SEPTIN9: variants seen among roughly 807,000 people sequenced by gnomAD.
The protein encoded by SEPTIN9 is septin-9.
SEPTIN9 carries 13 observed loss-of-function variants against 56.6 expected under a neutral mutation model. That is an observed-to-expected ratio of 0.23 (90% CI 0.15 to 0.37). The LOEUF (loss-of-function observed/expected upper bound fraction) is 0.37. SEPTIN9 is among the 10% of genes least tolerant of loss of function. SEPTIN9 has a pLI of 1.00. For synonymous variants in SEPTIN9, 332 were observed against 334.1 expected (o/e 0.99, Z 0.07); for missense variants, 650 against 823.1 (o/e 0.79, Z 2.57).
intron 2 of SEPTIN9, among the ~76,000 whole-genome samples, chr17:77,395,944 C>T (rs979234497): frequency 6.6e-5 from 10 of 152,328 alleles, no homozygotes; most frequent in Admixed American, 4.6e-4. Flanking sequence ...TGATTATTTC[C>T]TTGGGATAAA....
chr17:77,443,250 C>T (rs2037615686), intron 3 of SEPTIN9, among the ~76,000 whole-genome samples: 1 of 152,058 alleles, frequency 6.6e-6, no homozygotes. Context: ...AGCTCTGGGA[C>T]ACACTTGATG....
intron 3 of SEPTIN9, chr17:77,419,949 A>G (rs103458): frequency 0.33 from 50,298 of 152,168 alleles, 8,916 homozygotes; most frequent in Non-Finnish European, 0.4. Flanking sequence ...GGTGGGGGGC[A>G]TGGCTGGGGA....
At position 77,487,131 on chromosome 17, in the gene SEPTIN9, A is replaced by G. The variant is rs1454715331; in HGVS notation, c.914-293A>G. On this transcript the variant is annotated intron_variant, in intron 4 of 11. Transcript: ENST00000427177. This position sits in a 1 kb window ranked among gnomAD's most constrained non-coding sequence, Gnocchi z 4.3. Reference sequence around the variant, plus strand: ...GGAGACCTCCTGTCCAGAAAGCACAAGGGGCACAAGAGATGCCGACTCTCC... The same window carrying G: ...GGAGACCTCCTGTCCAGAAAGCACAGGGGGCACAAGAGATGCCGACTCTCC... 1.3e-5 allele frequency among the ~76,000 whole-genome samples: 2 copies of G among 152,198 alleles called. No individual in the cohort carries two copies. The highest frequency in any genetic ancestry group is 3.9e-4 in the East Asian group (2 of 5,192).
intron 2 of SEPTIN9, among the ~76,000 whole-genome samples, chr17:77,343,368 T>A (rs962106250): frequency 6.6e-6 from 1 of 152,220 alleles, no homozygotes; most frequent in Admixed American, 6.5e-5. Context: ...GGTTGTTGAA[T>A]ACCTGCAGGT....
chr17:77,492,857 G>A lies in SEPTIN9; in HGVS notation c.1477-123G>A. On this transcript the variant is annotated intron_variant, in intron 9 of 11. Transcript: ENST00000427177. This position sits in a 1 kb window ranked among gnomAD's most constrained non-coding sequence, Gnocchi z 5.4. The stretch of plus-strand genomic sequence containing the variant: ...CTGAGCCCAGGTGTCTGTACCCAGT[G>A]CTGTCAGGCTGAGGCTCTCGTTTTT... 1 of 1,190,462 alleles carries A rather than the reference G, an allele frequency of 8.4e-7. No homozygotes were observed. The highest frequency in any genetic ancestry group is 1.2e-6 in the Non-Finnish European group (1 of 804,946). 73.7% of individuals were successfully genotyped at this position (1,190,462 alleles called of 1,614,324 possible). A position where few individuals can be genotyped will look rare whatever the true frequency, so the allele number is the denominator to read the frequency against.
intron 10 of SEPTIN9, among the ~76,000 whole-genome samples, chr17:77,494,394 C>G (rs2143436435): frequency 6.6e-6 from 1 of 152,284 alleles, no homozygotes; most frequent in Non-Finnish European, 1.5e-5. Flanking sequence ...GGAAATGCAG[C>G]AGGAAAAGCC....
chr17:77,490,678 G>T, intron 7 of SEPTIN9, 64 bp from the exon 8 acceptor site: 2 of 1,260,130 alleles, frequency 1.6e-6, no homozygotes, highest in East Asian at 2.5e-5. Flanking sequence ...ACCTGCTTGG[G>T]GGTGGGTGCC....
Position 77,412,564 on chromosome 17 carries a change from G to A in SEPTIN9, c.721+9861G>A, listed in dbSNP as rs545854008. Among the ~76,000 whole-genome samples the A allele has an allele frequency of 3.9e-5, 6 of 152,110 alleles. No individual in the cohort carries two copies. The East Asian group carries it at 9.7e-4, about 25-fold the overall frequency. On this transcript the variant is annotated intron_variant, in intron 3 of 11. Transcript: ENST00000427177. ...CCAGCCTAGGCAACATGGCAAAACC[G>A]CATCTCTGCAAAAATTAGCTGGGTG...
At chr17:77,392,127 A>T (rs2035562308) in intron 2 of SEPTIN9, among the ~76,000 whole-genome samples, 1 of 152,176 alleles carries the variant, frequency 6.6e-6, no homozygotes, top group African/African-American at 2.4e-5. Flanking sequence ...CCGAAAATCC[A>T]ACCACAGGCT....
rs2036030736 is a variant in SEPTIN9 at position 77,405,354 on chromosome 17, C to T, written c.721+2651C>T. On this transcript the variant is annotated intron_variant, in intron 3 of 11. Transcript: ENST00000427177. The surrounding 1 kb of genome is among the most constrained non-coding windows in gnomAD (Gnocchi z 5.8). ...CCCAGCAGTGGAAGTACAATTTCATCAGGCCAGGAAGGGGAGAGAAAGGCA... is the reference window on the plus strand; with the variant it reads ...CCCAGCAGTGGAAGTACAATTTCATTAGGCCAGGAAGGGGAGAGAAAGGCA... Among the ~76,000 whole-genome samples, 1 of 152,140 alleles carries T rather than the reference C, an allele frequency of 6.6e-6. No individual in the cohort carries two copies. Among genetic ancestry groups the T allele is most frequent in the South Asian group, 2.1e-4 (1 of 4,824 alleles).
At chr17:77,481,262 C>A (rs1232263662) in intron 3 of SEPTIN9, among the ~76,000 whole-genome samples, 1 of 152,218 alleles carries the variant, frequency 6.6e-6, no homozygotes, top group African/African-American at 2.4e-5. Context: ...TTAGTGATTT[C>A]GGGAAGTTCA....
At chr17:77,337,868 G>A (rs1039362464) in intron 2 of SEPTIN9, among the ~76,000 whole-genome samples, 4 of 152,174 alleles carry the variant, frequency 2.6e-5, no homozygotes, top group Admixed American at 1.3e-4. Flanking sequence ...AATAAAGCAC[G>A]TCACACAAAC....
intron 2 of SEPTIN9, chr17:77,320,378 GC>G (rs760771713): frequency 6.3e-7 from 1 of 1,582,252 alleles, no homozygotes; most frequent in East Asian, 2.2e-5. Context: ...CCCATCGGCC[GC>G]CCCCCACTGC....
chr17:77,458,405 C>G (rs2038312039), intron 3 of SEPTIN9, among the ~76,000 whole-genome samples: 1 of 152,250 alleles, frequency 6.6e-6, no homozygotes, highest in Non-Finnish European at 1.5e-5. Context: ...GACTCACTGG[C>G]TCCAGGCTCT....
At chr17:77,292,907 T>TC (rs1246179686) in intron 1 of SEPTIN9, among the ~76,000 whole-genome samples, 13 of 152,246 alleles carry the variant, frequency 8.5e-5, no homozygotes, top group Non-Finnish European at 1.8e-4. Context: ...CCTGCCCTGT[T>TC]CATCTGCTCA....
At chr17:77,463,025 A>T (rs1429038218) in intron 3 of SEPTIN9, among the ~76,000 whole-genome samples, 1 of 152,170 alleles carries the variant, frequency 6.6e-6, no homozygotes, top group South Asian at 2.1e-4. Flanking sequence ...GATGAGCTGA[A>T]CAGTGAGCCC....
rs916614601 is a variant in SEPTIN9 at position 77,319,502 on chromosome 17, C to T, written c.76+12305C>T. 17 of 1,026,858 alleles carry T rather than the reference C, an allele frequency of 1.7e-5. 1 individual carries two copies. The East Asian group carries it at 4.1e-4, about 25-fold the overall frequency. 63.6% of individuals were successfully genotyped at this position (1,026,858 alleles called of 1,614,324 possible). Reference sequence around the variant, plus strand: ...GTCCCGTTCGCCCTCTCTGCCTGGGCGGGGACGGCAACTGCCTCTGTCACT... The same window carrying T: ...GTCCCGTTCGCCCTCTCTGCCTGGGTGGGGACGGCAACTGCCTCTGTCACT... On this transcript the variant is annotated intron_variant, in intron 2 of 11. Coordinates refer to ENST00000427177, the MANE Select transcript of SEPTIN9 (RefSeq NM_001113491.2). This position sits in a 1 kb window ranked among gnomAD's most constrained non-coding sequence, Gnocchi z 5.3.
intron 1 of SEPTIN9, among the ~76,000 whole-genome samples, chr17:77,299,438 T>C (rs2031944206): frequency 6.6e-6 from 1 of 152,226 alleles, no homozygotes; most frequent in Admixed American, 6.5e-5. Context: ...CCTTAGTAGC[T>C]CATGCCTACA....
intron 2 of SEPTIN9, among the ~76,000 whole-genome samples, chr17:77,383,905 CAA>C (rs1383798075): frequency 6.6e-6 from 1 of 152,264 alleles, no homozygotes; most frequent in African/African-American, 2.4e-5. Flanking sequence ...GCAATGGGGA[CAA>C]GAGTAAATCA....
Sources: gnomAD v4.1 joint callset for allele counts (sites outside exome capture counted in the v4.1 genomes callset) on GRCh38, gnomAD v4.1.1 for gene constraint, Gnocchi (gnomAD v3.1) non-coding constraint, MANE v1.5 for transcripts, NCBI Gene and HGNC (gene_info 2026-07-23, HGNC 2026-07-21) for gene names.